BRINP1: variants seen among roughly 807,000 people sequenced by gnomAD.
The protein encoded by BRINP1 is BMP/retinoic acid inducible neural specific 1, also known as BMP/retinoic acid-inducible neural-specific protein 1.
Under a neutral mutation model 72.9 loss-of-function variants are expected in BRINP1, and 17 were observed. That is an observed-to-expected ratio of 0.23 (90% CI 0.16 to 0.35). The LOEUF (loss-of-function observed/expected upper bound fraction) is 0.35. Ranked by LOEUF, BRINP1 falls within the 10% of genes least tolerant of loss-of-function variation. The pLI is 1.00. For synonymous variants in BRINP1, 418 were observed against 378.5 expected (o/e 1.10, Z -1.21); for missense variants, 850 against 1,001.6 (o/e 0.85, Z 2.04).
intron 1 of BRINP1, among the ~76,000 whole-genome samples, chr9:119,341,183 G>A (rs1455261974): frequency 6.6e-6 from 1 of 152,094 alleles, no homozygotes; most frequent in Non-Finnish European, 1.5e-5. Context: ...GCAAAAGTTG[G>A]GAAGACACCA....
intron 7 of BRINP1, among the ~76,000 whole-genome samples, chr9:119,197,573 C>T (rs531394422): frequency 3.3e-5 from 5 of 152,186 alleles, no homozygotes; most frequent in African/African-American, 2.4e-5. Context: ...CACAGCTTCT[C>T]TGTCAAGTGG....
chr9:119,193,597 A>C (rs577828138), intron 7 of BRINP1, among the ~76,000 whole-genome samples: 2 of 152,354 alleles, frequency 1.3e-5, no homozygotes, highest in East Asian at 3.9e-4. Flanking sequence ...TAGCTATGTT[A>C]ATCTGCTTCA....
chr9:119,307,376 G>A (rs960309633), intron 2 of BRINP1, among the ~76,000 whole-genome samples: 4 of 152,042 alleles, frequency 2.6e-5, no homozygotes, highest in Non-Finnish European at 4.4e-5. Flanking sequence ...TTTGCATATT[G>A]GATCAAAATT....
At chr9:119,209,864 G>A (rs752523107) in intron 6 of BRINP1, among the ~76,000 whole-genome samples, 1 of 152,102 alleles carries the variant, frequency 6.6e-6, no homozygotes, top group African/African-American at 2.4e-5. Context: ...TTCCCCACCC[G>A]GTGATCCAGT....
At chr9:119,169,880 G>T (rs230096) in intron 7 of BRINP1, among the ~76,000 whole-genome samples, 1 of 151,952 alleles carries the variant, frequency 6.6e-6, no homozygotes, top group Non-Finnish European at 1.5e-5. Context: ...ACACTGACAC[G>T]TCACAGGCAG....
At chr9:119,238,826 G>A in intron 4 of BRINP1, 66 bp from the exon 5 acceptor site, 5 of 1,081,406 alleles carry the variant, frequency 4.6e-6, no homozygotes, top group Non-Finnish European at 6.9e-6. Flanking sequence ...ACCCCAAAGA[G>A]TCATGCCCCA....
chr9:119,306,926 C>A (rs1254265240), intron 2 of BRINP1, among the ~76,000 whole-genome samples: 1 of 152,070 alleles, frequency 6.6e-6, no homozygotes, highest in Non-Finnish European at 1.5e-5. Context: ...ATATTTAAGC[C>A]ATCCCAATTC....
intron 2 of BRINP1, among the ~76,000 whole-genome samples, chr9:119,267,383 C>T (rs1830558017): frequency 6.6e-6 from 1 of 152,026 alleles, no homozygotes; most frequent in Non-Finnish European, 1.5e-5. Flanking sequence ...ACCTGAAATC[C>T]CAGAACTCTG....
intron 5 of BRINP1, among the ~76,000 whole-genome samples, chr9:119,225,440 C>T (rs1011146467): frequency 1.8e-4 from 27 of 150,926 alleles, no homozygotes; most frequent in South Asian, 1.5e-3. Flanking sequence ...TTTGCATATA[C>T]GCTCCACATA....
At chr9:119,175,505 A>C (rs546971981) in intron 7 of BRINP1, among the ~76,000 whole-genome samples, 12 of 152,134 alleles carry the variant, frequency 7.9e-5, no homozygotes, top group Admixed American at 7.9e-4. Context: ...ATGTATCCCA[A>C]AACTTAGAGT....
chr9:119,204,472 A>G (rs1389485905), intron 7 of BRINP1, among the ~76,000 whole-genome samples: 2 of 151,926 alleles, frequency 1.3e-5, no homozygotes, highest in African/African-American at 2.4e-5. Context: ...ATTAACATTT[A>G]TTGACCTTGT....
At chr9:119,302,667 G>A (rs754744785) in intron 2 of BRINP1, among the ~76,000 whole-genome samples, 82 of 152,084 alleles carry the variant, frequency 5.4e-4, no homozygotes, top group Non-Finnish European at 1.0e-3. Flanking sequence ...CATCTTCTGT[G>A]TCCATTACTT....
chr9:119,349,669 G>T (rs115088938), intron 1 of BRINP1, among the ~76,000 whole-genome samples: 1 of 152,284 alleles, frequency 6.6e-6, no homozygotes, highest in African/African-American at 2.4e-5. Flanking sequence ...AAGCATCAGT[G>T]CAGTGAATGT....
intron 2 of BRINP1, among the ~76,000 whole-genome samples, chr9:119,292,567 T>G (rs1830831272): frequency 6.6e-6 from 1 of 152,312 alleles, no homozygotes. Flanking sequence ...GGGACTAAGA[T>G]AGTGTCCTTC....
intron 7 of BRINP1, among the ~76,000 whole-genome samples, chr9:119,174,437 G>C (rs1429270943): frequency 2.0e-5 from 3 of 149,406 alleles, no homozygotes; most frequent in Non-Finnish European, 4.4e-5. Context: ...ACACCAGTTA[G>C]AATGGCAAAC....
intron 5 of BRINP1, among the ~76,000 whole-genome samples, chr9:119,229,190 T>C (rs1257770915): frequency 6.6e-6 from 1 of 152,092 alleles, no homozygotes; most frequent in African/African-American, 2.4e-5. Context: ...CATTTATTCA[T>C]TCAGCATATA....
At chr9:119,237,895 C>T (rs773523732) in intron 5 of BRINP1, among the ~76,000 whole-genome samples, 12 of 152,010 alleles carry the variant, frequency 7.9e-5, no homozygotes, top group Non-Finnish European at 1.3e-4. Context: ...CTCCTGACCT[C>T]GTGATCCACC....
intron 1 of BRINP1, among the ~76,000 whole-genome samples, chr9:119,338,522 A>G (rs937259042): frequency 2.0e-5 from 3 of 147,318 alleles, no homozygotes; most frequent in Non-Finnish European, 3.0e-5. Flanking sequence ...CTGGAATTCA[A>G]TCTTCTCTCC....
chr9:119,289,752 T>C (rs1411509753), intron 2 of BRINP1, among the ~76,000 whole-genome samples: 2 of 152,320 alleles, frequency 1.3e-5, no homozygotes, highest in Non-Finnish European at 2.9e-5. Flanking sequence ...GAAGAACCCA[T>C]GCATTGGTTA....
Sources: gnomAD v4.1 joint callset for allele counts (sites outside exome capture counted in the v4.1 genomes callset) on GRCh38, gnomAD v4.1.1 for gene constraint, MANE v1.5 for transcripts, NCBI Gene and HGNC (gene_info 2026-07-23, HGNC 2026-07-21) for gene names.